TNRC6A: variants seen among roughly 807,000 people sequenced by gnomAD.
TNRC6A encodes trinucleotide repeat-containing gene 6A protein.
Under a neutral mutation model 221.2 loss-of-function variants are expected in TNRC6A, and 44 were observed. The observed-to-expected ratio is 0.20, with a 90% CI of 0.16 to 0.26. The LOEUF is 0.26. Ranked by LOEUF, TNRC6A falls within the 10% of genes least tolerant of loss-of-function variation. TNRC6A has a pLI of 1.00. For missense variants in TNRC6A, 2,199 were observed against 2,404.4 expected (o/e 0.91, Z 1.79); for synonymous variants, 847 against 838.5 (o/e 1.01, Z -0.18).
intron 2 of TNRC6A, among the ~76,000 whole-genome samples, chr16:24,741,200 T>G (rs1309987952): frequency 6.6e-6 from 1 of 152,192 alleles, no homozygotes; most frequent in Non-Finnish European, 1.5e-5. Flanking sequence ...GAATAGGAAG[T>G]GGCAAGATCA....
chr16:24,644,790 C>T (rs1033251201), intron 2 of TNRC6A, among the ~76,000 whole-genome samples: 7 of 152,032 alleles, frequency 4.6e-5, no homozygotes, highest in African/African-American at 7.2e-5. Flanking sequence ...AAACCACACA[C>T]GTAATTGTAA....
intron 2 of TNRC6A, among the ~76,000 whole-genome samples, chr16:24,664,445 AAAT>A (rs1017384434): frequency 4.1e-5 from 6 of 145,126 alleles, no homozygotes; most frequent in Non-Finnish European, 7.5e-5. Flanking sequence ...AATATAATAA[AAAT>A]AATATATTTT....
chr16:24,625,762 A>G (rs1327454698), intron 1 of TNRC6A, among the ~76,000 whole-genome samples: 1 of 143,522 alleles, frequency 7.0e-6, no homozygotes, highest in Non-Finnish European at 1.5e-5. Context: ...AAAAAAAAAA[A>G]TTAGCTCGGG....
At chr16:24,776,375 T>A in intron 4 of TNRC6A, 6 of 985,426 alleles carry the variant, frequency 6.1e-6, no homozygotes, top group Non-Finnish European at 7.2e-6. Context: ...TTGTCTTATA[T>A]GATTCAGATA....
intron 2 of TNRC6A, among the ~76,000 whole-genome samples, chr16:24,677,670 T>G (rs764579372): frequency 7.9e-5 from 12 of 152,208 alleles, no homozygotes; most frequent in Non-Finnish European, 1.5e-4. Flanking sequence ...TCTAGTGGCC[T>G]TGTCTTGTCT....
At position 24,823,993 on chromosome 16, in the gene TNRC6A, A is replaced by C; in HGVS notation, c.*186A>C. On this transcript the variant is annotated 3_prime_UTR_variant, in exon 25 of 25. Transcript: ENST00000395799. This position sits in a 1 kb window ranked among gnomAD's most constrained non-coding sequence, Gnocchi z 4.3. ...TCATGCAGGCCAATATTATAATGTG[A>C]AAAGGTATCTACTCTATTTACACTC... 1 of 470,832 alleles carries C rather than the reference A, an allele frequency of 2.1e-6. No individual in the cohort carries two copies. Among genetic ancestry groups the C allele is most frequent in the Non-Finnish European group, 3.4e-6 (1 of 290,806 alleles). 29.2% of individuals were successfully genotyped at this position (470,832 alleles called of 1,614,324 possible).
rs768415036 is a variant in TNRC6A at position 24,824,297 on chromosome 16, C to G, written c.*490C>G. The G allele has an allele frequency of 1.3e-5, 2 of 152,644 alleles. No homozygotes were observed. Among genetic ancestry groups the G allele is most frequent in the Non-Finnish European group, 2.9e-5 (2 of 68,112 alleles). The allele number at this position is 152,644 out of a possible 1,614,324, so 9.5% of individuals were successfully genotyped here. A position where few individuals can be genotyped will look rare whatever the true frequency, so the allele number is the denominator to read the frequency against. ...AGGGTGTTCTTAGGAGGCGTGCGCTCTCTACTATGCCTTGATGTTGCCTAC... is the reference window on the plus strand; with the variant it reads ...AGGGTGTTCTTAGGAGGCGTGCGCTGTCTACTATGCCTTGATGTTGCCTAC... On this transcript the variant is annotated 3_prime_UTR_variant, in exon 25 of 25. Coordinates refer to ENST00000395799, the MANE Select transcript of TNRC6A (RefSeq NM_014494.4).
chr16:24,676,194 T>C (rs1474103693), intron 2 of TNRC6A, among the ~76,000 whole-genome samples: 1 of 152,140 alleles, frequency 6.6e-6, no homozygotes, highest in Admixed American at 6.6e-5. Flanking sequence ...CCTTCTCCCC[T>C]GCCCACTCCC....
intron 2 of TNRC6A, among the ~76,000 whole-genome samples, chr16:24,693,416 G>A (rs903392850): frequency 3.9e-5 from 6 of 151,988 alleles, no homozygotes; most frequent in African/African-American, 1.4e-4. Flanking sequence ...GTGAAACCCC[G>A]TCTCTACTAA....
Position 24,777,081 on chromosome 16 carries a change from G to T in TNRC6A, c.312G>T (p.Pro104=). The T allele has an allele frequency of 6.2e-7, 1 of 1,601,106 alleles. No homozygotes were observed. The highest frequency in any genetic ancestry group is 8.5e-7 in the Non-Finnish European group (1 of 1,171,964). The change falls in exon 5 of 25, where the codon CCG becomes CCT. Residue 104 remains proline (P), a synonymous_variant. Transcript: ENST00000395799. The part of the protein sequence containing the change: ...QPQQQQQQQQ[P]QQQQPQQQPQ... ...AGCAGCAGCAGCAACAGCAGCAGCCGCAGCAGCAGCAGCCACAGCAGCAGC... is the reference window on the plus strand; with the variant it reads ...AGCAGCAGCAGCAACAGCAGCAGCCTCAGCAGCAGCAGCCACAGCAGCAGC...
chr16:24,757,293 A>AC (rs545931748), intron 3 of TNRC6A, among the ~76,000 whole-genome samples: 1 of 50,268 alleles, frequency 2.0e-5, no homozygotes, highest in Non-Finnish European at 3.4e-5. Context: ...CTTCAATATT[A>AC]GGGAGTTACT....
rs1195591684 is a variant in TNRC6A at position 24,825,362 on chromosome 16, T to TTACAAATAGAATGTG, written c.*1556_*1570dup. ...AAAGAAGTCAGTGGCTTTTAACTGT[T>TTACAAATAGAATGTG]TACAAATAGAATGTGATTGTAAAAT... On this transcript the variant is annotated 3_prime_UTR_variant, in exon 25 of 25. Coordinates refer to ENST00000395799, the MANE Select transcript of TNRC6A (RefSeq NM_014494.4). The TTACAAATAGAATGTG allele has an allele frequency of 4.6e-5, 7 of 152,694 alleles. No homozygotes were observed. Among genetic ancestry groups the TTACAAATAGAATGTG allele is most frequent in the Non-Finnish European group, 7.3e-5 (5 of 68,054 alleles). The allele number at this position is 152,694 out of a possible 1,614,324, so 9.5% of individuals were successfully genotyped here. A position where few individuals can be genotyped will look rare whatever the true frequency, so the allele number is the denominator to read the frequency against.
chr16:24,793,194 A>G (rs559734608), intron 6 of TNRC6A, among the ~76,000 whole-genome samples: 1 of 152,216 alleles, frequency 6.6e-6, no homozygotes, highest in Non-Finnish European at 1.5e-5. Context: ...CTGATGCTCA[A>G]AGGAGAGTGG....
At chr16:24,637,969 G>C (rs1901725486) in intron 1 of TNRC6A, among the ~76,000 whole-genome samples, 1 of 151,952 alleles carries the variant, frequency 6.6e-6, no homozygotes, top group African/African-American at 2.4e-5. Flanking sequence ...ATTTTTAGTA[G>C]AGACAGGGCT....
chr16:24,809,340 A>G lies in TNRC6A; in HGVS notation c.4541-10A>G. 6.7e-7 allele frequency: 1 copy of G among 1,501,556 alleles called. No individual in the cohort carries two copies. Among genetic ancestry groups the G allele is most frequent in the Non-Finnish European group, 9.0e-7 (1 of 1,116,000 alleles). 93.0% of individuals were successfully genotyped at this position (1,501,556 alleles called of 1,614,324 possible). The stretch of plus-strand genomic sequence containing the variant: ...TTTCTAAGGTTTTGTTTTGTTTTTT[A>G]ATTTTTCAGGCTTGAACTCAAACTT... On this transcript the variant is annotated splice_polypyrimidine_tract_variant and intron_variant, in intron 17 of 24. Transcript: ENST00000395799.
intron 2 of TNRC6A, among the ~76,000 whole-genome samples, chr16:24,703,035 AAAAATAAAATAAAAT>A (rs71156434): frequency 0.68 from 100,558 of 147,682 alleles, 34,696 homozygotes; most frequent in East Asian, 0.88. Context: ...ACTCTGTGTC[AAAAATAAAATAAAAT>A]AAAATAAAAT....
chr16:24,825,921 T>C lies in TNRC6A; in HGVS notation c.*2114T>C, dbSNP rs2058851844. On this transcript the variant is annotated 3_prime_UTR_variant, in exon 25 of 25. Coordinates refer to ENST00000395799, the MANE Select transcript of TNRC6A (RefSeq NM_014494.4). ...GGCGAAACCTGTGTATGGATTTCAG[T>C]GTATGACTTCAGATCATGCTCCAAC... 1 of 152,688 alleles carries C rather than the reference T, an allele frequency of 6.5e-6. No individual in the cohort carries two copies. The highest frequency in any genetic ancestry group is 1.5e-5 in the Non-Finnish European group (1 of 68,052). 9.5% of individuals were successfully genotyped at this position (152,688 alleles called of 1,614,324 possible). A position where few individuals can be genotyped will look rare whatever the true frequency, so the allele number is the denominator to read the frequency against.
intron 1 of TNRC6A, among the ~76,000 whole-genome samples, chr16:24,631,157 A>G (rs902607849): frequency 2.6e-5 from 4 of 152,248 alleles, no homozygotes; most frequent in African/African-American, 9.6e-5. Context: ...GTAGGAGGAT[A>G]ACATCTATTT....
chr16:24,660,743 T>C (rs1198908912), intron 2 of TNRC6A, among the ~76,000 whole-genome samples: 10 of 133,282 alleles, frequency 7.5e-5, no homozygotes, highest in Admixed American at 2.2e-4. Flanking sequence ...TTTTTTCTTT[T>C]TTTTTTTTTT....
Sources: allele counts gnomAD v4.1 joint callset (sites outside exome capture counted in the v4.1 genomes callset), GRCh38; gene constraint gnomAD v4.1.1; non-coding constraint Gnocchi (gnomAD v3.1); transcripts MANE v1.5; gene names NCBI Gene and HGNC (gene_info 2026-07-23, HGNC 2026-07-21).